LIX1: variants seen among roughly 807,000 people sequenced by gnomAD.
The protein encoded by LIX1 is limb and CNS expressed 1, also known as protein limb expression 1 homolog.
LIX1 carries 24 observed loss-of-function variants against 33.4 expected under a neutral mutation model. The observed-to-expected ratio is 0.72, with a 90% CI of 0.52 to 1.01. The LOEUF (loss-of-function observed/expected upper bound fraction) is 1.01, where lower values mean the gene tolerates loss of function less well. Among genes scored for constraint, LIX1 ranks in the 50% least tolerant of loss-of-function variants. The pLI, the probability that LIX1 is intolerant of heterozygous loss-of-function variation, is 0.00. For missense variants in LIX1, 311 were observed against 339.2 expected (o/e 0.92, Z 0.65); for synonymous variants, 124 against 124.0 (o/e 1.00, Z 0.00).
In LIX1 at chr5:97,124,522, G is replaced by A; in HGVS notation, c.190C>T (p.Pro64Ser). Reference protein sequence around the residue: ...VVYESLPAPGPPFVSYVTLPG... With the variant: ...VVYESLPAPGSPFVSYVTLPG... ...AGGGTCACGTAACTCACAAAGGGAGGCCCAGGAGCTGGCAGTGACTCATAG... is the reference window on the plus strand; with the variant it reads ...AGGGTCACGTAACTCACAAAGGGAGACCCAGGAGCTGGCAGTGACTCATAG... Residue 64 changes from proline (P) to serine (S), a missense_variant, in exon 2 of 6, where the codon CCT becomes TCT. By Grantham distance (74) the Pro-to-Ser change is moderately conservative. Transcript: ENST00000274382. 6.2e-7 allele frequency: 1 copy of A among 1,611,304 alleles called. No homozygotes were observed. Among genetic ancestry groups the A allele is most frequent in the Non-Finnish European group, 8.5e-7 (1 of 1,178,398 alleles).
chr5:97,110,850 A>G (rs1318054621), intron 2 of LIX1, among the ~76,000 whole-genome samples: 1 of 152,174 alleles, frequency 6.6e-6, no homozygotes, highest in Non-Finnish European at 1.5e-5. Context: ...TTGACACACA[A>G]GAAGGCTTTG....
At chr5:97,104,865 A>T (rs147651326) in intron 4 of LIX1, among the ~76,000 whole-genome samples, 1 of 152,296 alleles carries the variant, frequency 6.6e-6, no homozygotes, top group East Asian at 1.9e-4. Flanking sequence ...AACAACCAAC[A>T]TGTCAAACTG....
Position 97,124,491 on chromosome 5 carries a change from C to T in LIX1, c.221G>A (p.Gly74Glu). 1 of 1,608,056 alleles carries T rather than the reference C, an allele frequency of 6.2e-7. No homozygotes were observed. The highest frequency in any genetic ancestry group is 8.5e-7 in the Non-Finnish European group (1 of 1,176,558). ...CTGAAAGTTGCCAAAACAGCTTCCC[C>T]CTGGGAGGGTCACGTAACTCACAAA... ...PPFVSYVTLP[G>E]GSCFGNFQCC... The change falls in exon 2 of 6, where the codon GGG (glycine) becomes GAG (glutamate). Residue 74 changes from glycine to glutamate, a missense_variant. Gly to Glu is a moderately conservative substitution (Grantham distance 98). Transcript: ENST00000274382.
At chr5:97,106,111 A>G (rs2112764258) in intron 3 of LIX1, among the ~76,000 whole-genome samples, 1 of 152,348 alleles carries the variant, frequency 6.6e-6, no homozygotes, top group South Asian at 2.1e-4. Flanking sequence ...GAAGCATGCA[A>G]CCATGTATAT....
At position 97,107,480 on chromosome 5, in the gene LIX1, C is replaced by T. The variant is rs1429877112; in HGVS notation, c.267G>A (p.Glu89=). 6 of 1,613,986 alleles carry T rather than the reference C, an allele frequency of 3.7e-6. No individual in the cohort carries two copies. The highest frequency in any genetic ancestry group is 5.1e-6 in the Non-Finnish European group (6 of 1,180,004). Residue 89 remains glutamate (E), a synonymous_variant, in exon 3 of 6, where the codon GAG becomes GAA. Transcript: ENST00000274382. ...GNFQCCLSRA[E]ARRDAAKVAL... is the part of the protein sequence containing the mutation. ...CCACTTTAGCTGCATCCCGCCTGGC[C>T]TCGGCTCTACTTAAGCAGCACTTGA...
chr5:97,098,731 A>G (rs1190433995), intron 4 of LIX1, among the ~76,000 whole-genome samples: 3 of 152,128 alleles, frequency 2.0e-5, no homozygotes, highest in Non-Finnish European at 2.9e-5. Flanking sequence ...ACAAAACAAA[A>G]AAGCTGACTT....
rs369107447 is a variant in LIX1, at chr5:97,096,832, C to G, written c.539G>C (p.Arg180Pro). ...TACCTGTCGGGAACACTTTGTTTCA[C>G]GAAGGGCTTTTAGGCTTCCATTCCA... ...LHWNGSLKALRETKCSRQEVI... is the reference protein window; with the variant it reads ...LHWNGSLKALPETKCSRQEVI... The change falls in exon 5 of 6, where the codon CGT becomes CCT. Residue 180 changes from arginine to proline, a missense_variant. Arg to Pro is a moderately radical substitution (Grantham distance 103). Coordinates refer to ENST00000274382, the MANE Select transcript of LIX1 (RefSeq NM_153234.5). 25 of 1,613,926 alleles carry G rather than the reference C, an allele frequency of 1.5e-5. No individual in the cohort carries two copies. The South Asian group carries it at 2.6e-4, about 17-fold the overall frequency.
chr5:97,102,744 T>A lies in LIX1; in HGVS notation c.483+2446A>T, dbSNP rs201836786. Reference sequence around the variant, plus strand: ...AATTTTAAGACTTTTTTTTTTTTTTTAAATCTCACCTTCCCCCATCTTTGG... The same window carrying A: ...AATTTTAAGACTTTTTTTTTTTTTTAAAATCTCACCTTCCCCCATCTTTGG... On this transcript the variant is annotated intron_variant, in intron 4 of 5. Coordinates refer to ENST00000274382, the MANE Select transcript of LIX1 (RefSeq NM_153234.5). 2.8e-4 allele frequency among the ~76,000 whole-genome samples: 42 copies of A among 149,314 alleles called. No individual in the cohort carries two copies. In the East Asian group the frequency reaches 6.6e-3, roughly 23 times the overall value.
chr5:97,096,148 G>A (rs1746365300), intron 5 of LIX1, among the ~76,000 whole-genome samples: 2 of 152,136 alleles, frequency 1.3e-5, no homozygotes, highest in South Asian at 4.1e-4. Context: ...GGTGGGTAGA[G>A]GAAGGATAAA....
At chr5:97,114,749 C>T (rs534450950) in intron 2 of LIX1, among the ~76,000 whole-genome samples, 44 of 152,282 alleles carry the variant, frequency 2.9e-4, no homozygotes, top group African/African-American at 9.6e-4. Context: ...TCATTTCCAA[C>T]AGGCAGGAGC....
chr5:97,108,264 G>A (rs1747173497), intron 2 of LIX1, among the ~76,000 whole-genome samples: 1 of 152,138 alleles, frequency 6.6e-6, no homozygotes, highest in African/African-American at 2.4e-5. Context: ...TTTCTCCCTT[G>A]GTCTCAATCC....
In LIX1 at chr5:97,107,473, G is replaced by T. The variant is rs376614473; in HGVS notation, c.274C>A (p.Arg92=). The T allele has an allele frequency of 1.5e-5, 25 of 1,613,720 alleles. No individual in the cohort carries two copies. The African/African-American group carries it at 3.3e-4, about 22-fold the overall frequency. The part of the protein sequence containing the change: ...QCCLSRAEAR[R]DAAKVALINS... ...ATCAGGGCCACTTTAGCTGCATCCC[G>T]CCTGGCCTCGGCTCTACTTAAGCAG... The change falls in exon 3 of 6, where the codon CGG becomes AGG. Residue 92 remains arginine (R), a synonymous_variant. Coordinates refer to ENST00000274382, the MANE Select transcript of LIX1 (RefSeq NM_153234.5).
At chr5:97,135,736 T>C (rs563694773) in intron 1 of LIX1, among the ~76,000 whole-genome samples, 1 of 152,150 alleles carries the variant, frequency 6.6e-6, no homozygotes, top group South Asian at 2.1e-4. Flanking sequence ...GGAGAATCCC[T>C]TGAACCCAGG....
intron 1 of LIX1, among the ~76,000 whole-genome samples, chr5:97,139,075 T>C (rs1277443050): frequency 6.6e-6 from 1 of 152,186 alleles, no homozygotes; most frequent in East Asian, 1.9e-4. Flanking sequence ...CAATGTCTCA[T>C]AGTGTTTCAA....
At chr5:97,131,448 A>G (rs1398379392) in intron 1 of LIX1, among the ~76,000 whole-genome samples, 2 of 152,146 alleles carry the variant, frequency 1.3e-5, no homozygotes, top group Non-Finnish European at 2.9e-5. Context: ...TTAGCACTTA[A>G]TCTCCTATAA....
At chr5:97,123,594 G>T (rs192167365) in intron 2 of LIX1, among the ~76,000 whole-genome samples, 3 of 152,296 alleles carry the variant, frequency 2.0e-5, no homozygotes, top group East Asian at 3.9e-4. Context: ...GCATCTTCAT[G>T]CTGTGACCCG....
intron 2 of LIX1, among the ~76,000 whole-genome samples, chr5:97,116,994 A>G (rs765511259): frequency 1.3e-5 from 2 of 152,120 alleles, no homozygotes; most frequent in African/African-American, 2.4e-5. Context: ...AAGAATTTCT[A>G]TTCACTTTGT....
chr5:97,137,514 A>T (rs1191242651), intron 1 of LIX1, among the ~76,000 whole-genome samples: 1 of 152,150 alleles, frequency 6.6e-6, no homozygotes, highest in African/African-American at 2.4e-5. Flanking sequence ...CTGTACTAAA[A>T]TTTATATTTC....
At chr5:97,106,852 C>T (rs779893512) in intron 3 of LIX1, among the ~76,000 whole-genome samples, 2 of 152,174 alleles carry the variant, frequency 1.3e-5, no homozygotes, top group African/African-American at 2.4e-5. Flanking sequence ...ATAGCTAACA[C>T]ATATTGGGCA....
Sources: gnomAD v4.1 joint callset for allele counts (sites outside exome capture counted in the v4.1 genomes callset) on GRCh38, gnomAD v4.1.1 for gene constraint, MANE v1.5 for transcripts, NCBI Gene and HGNC (gene_info 2026-07-23, HGNC 2026-07-21) for gene names.